GNG7: variants seen among roughly 807,000 people sequenced by gnomAD.
The protein encoded by GNG7 is guanine nucleotide-binding protein G(I)/G(S)/G(O) subunit gamma-7.
Under a neutral mutation model 4.0 loss-of-function variants are expected in GNG7, and 1 was observed. The observed-to-expected ratio is 0.25, with a 90% CI of 0.09 to 1.18. GNG7 has a LOEUF of 1.18. Among genes scored for constraint, GNG7 ranks in the 50% most tolerant of loss-of-function variants. GNG7 has a pLI of 0.50. For missense variants in GNG7, 86 were observed against 91.9 expected (o/e 0.94, Z 0.26); for synonymous variants, 34 against 36.9 (o/e 0.92, Z 0.29).
intron 1 of GNG7, among the ~76,000 whole-genome samples, chr19:2,698,088 G>A (rs1021855994): frequency 1.3e-5 from 2 of 151,160 alleles, no homozygotes; most frequent in African/African-American, 4.9e-5. Context: ...CTAACATGGT[G>A]AAACTCCGTC....
intron 3 of GNG7, among the ~76,000 whole-genome samples, chr19:2,542,030 G>A (rs569473501): frequency 4.6e-5 from 7 of 151,910 alleles, no homozygotes; most frequent in South Asian, 2.1e-4. Context: ...GCTGCAGGGC[G>A]GCCCTTCCAA....
At chr19:2,586,131 A>C (rs1483178994) in intron 2 of GNG7, among the ~76,000 whole-genome samples, 1 of 151,976 alleles carries the variant, frequency 6.6e-6, no homozygotes, top group Non-Finnish European at 1.5e-5. Flanking sequence ...GAAAAACGGA[A>C]CTCTCACCCC....
intron 2 of GNG7, among the ~76,000 whole-genome samples, chr19:2,561,036 T>C: frequency 6.6e-6 from 1 of 151,770 alleles, no homozygotes; most frequent in Admixed American, 6.6e-5. Context: ...AAGCTCCCGA[T>C]GGGGCAGACG....
At chr19:2,601,813 G>A (rs2965208) in intron 2 of GNG7, among the ~76,000 whole-genome samples, 84,324 of 151,632 alleles carry the variant, frequency 0.56, 26,117 homozygotes, top group Non-Finnish European at 0.71. Context: ...AGGTTGAAGC[G>A]GGAGGCTCAC....
chr19:2,676,100 AG>A (rs1211569869), intron 1 of GNG7, among the ~76,000 whole-genome samples: 1 of 152,132 alleles, frequency 6.6e-6, no homozygotes, highest in Admixed American at 6.6e-5. Context: ...TCACCAGCCC[AG>A]GGGCGCCAAG....
At chr19:2,630,610 A>G (rs1982135116) in intron 2 of GNG7, 1 of 151,966 alleles carries the variant, frequency 6.6e-6, no homozygotes, top group Non-Finnish European at 1.5e-5. Context: ...ACAGTCTATC[A>G]ACCACAAAGA....
intron 3 of GNG7, among the ~76,000 whole-genome samples, chr19:2,539,913 C>G (rs1193026707): frequency 6.9e-6 from 1 of 144,102 alleles, no homozygotes; most frequent in Non-Finnish European, 1.5e-5. Flanking sequence ...CCCTCCCTCC[C>G]TCTTTCTCTT....
intron 1 of GNG7, among the ~76,000 whole-genome samples, chr19:2,677,356 G>C (rs1401923213): frequency 6.6e-6 from 1 of 151,782 alleles, no homozygotes; most frequent in Non-Finnish European, 1.5e-5. Context: ...GGGCATTTGT[G>C]ACTGTTATGA....
At chr19:2,685,211 G>C (rs990923108) in intron 1 of GNG7, among the ~76,000 whole-genome samples, 1 of 152,108 alleles carries the variant, frequency 6.6e-6, no homozygotes, top group Non-Finnish European at 1.5e-5. Context: ...TGCTTCATGA[G>C]GACACAGTTT....
chr19:2,694,332 G>A (rs978329773), intron 1 of GNG7, among the ~76,000 whole-genome samples: 1 of 152,036 alleles, frequency 6.6e-6, no homozygotes, highest in African/African-American at 2.4e-5. Flanking sequence ...ACCATAGCCT[G>A]GTATAGAGCA....
chr19:2,618,654 T>A lies in GNG7; in HGVS notation c.-78+27570A>T, dbSNP rs1981787009. On this transcript the variant is annotated intron_variant, in intron 2 of 4. Transcript: ENST00000382159. The surrounding 1 kb of genome is among the most constrained non-coding windows in gnomAD (Gnocchi z 5.1). ...GTGAGCCACCGTGCCCAGCCTGTTC[T>A]ATTTTTTTTTTAATAAACAATTTTA... is the stretch of plus-strand genomic sequence containing the variant. 1.3e-5 allele frequency among the ~76,000 whole-genome samples: 2 copies of A among 151,884 alleles called. No homozygotes were observed. The highest frequency in any genetic ancestry group is 4.8e-5 in the African/African-American group (2 of 41,270).
chr19:2,690,412 G>A (rs1913111334), intron 1 of GNG7, among the ~76,000 whole-genome samples: 1 of 152,042 alleles, frequency 6.6e-6, no homozygotes, highest in East Asian at 1.9e-4. Context: ...ATAAAAATGG[G>A]ATAATCATTC....
chr19:2,654,782 C>G (rs779056144), intron 1 of GNG7, among the ~76,000 whole-genome samples: 2 of 150,768 alleles, frequency 1.3e-5, no homozygotes, highest in African/African-American at 4.9e-5. Context: ...GGGTCTCCCC[C>G]CTCTGCACTG....
At chr19:2,548,780 T>G (rs1979216705) in intron 3 of GNG7, among the ~76,000 whole-genome samples, 2 of 150,728 alleles carry the variant, frequency 1.3e-5, no homozygotes, top group South Asian at 4.2e-4. Flanking sequence ...AGAGCGAGAC[T>G]CTGTCTCAAA....
intron 2 of GNG7, among the ~76,000 whole-genome samples, chr19:2,591,845 C>A (rs1980859139): frequency 6.6e-6 from 1 of 152,126 alleles, no homozygotes; most frequent in Non-Finnish European, 1.5e-5. Flanking sequence ...TGACTGATCT[C>A]ACTGATGGCC....
At chr19:2,600,326 G>C (rs1204388278) in intron 2 of GNG7, among the ~76,000 whole-genome samples, 1 of 151,274 alleles carries the variant, frequency 6.6e-6, no homozygotes, top group Non-Finnish European at 1.5e-5. Flanking sequence ...TTTCTTTCAT[G>C]TCTGGCTTAA....
chr19:2,537,526 C>A lies in GNG7; in HGVS notation c.-37-16801G>T, dbSNP rs1319279402. Among the ~76,000 whole-genome samples the A allele has an allele frequency of 2.6e-5, 4 of 152,208 alleles. No individual in the cohort carries two copies. The South Asian group carries it at 6.2e-4, about 24-fold the overall frequency. ...CTGGGGCTGCAAGCGTGAGCCATGG[C>A]ACCTGGCTATAATAAAATAAATCTG... On this transcript the variant is annotated intron_variant, in intron 3 of 4. Coordinates refer to ENST00000382159, the MANE Select transcript of GNG7 (RefSeq NM_052847.3).
At chr19:2,548,632 T>C (rs1979209236) in intron 3 of GNG7, among the ~76,000 whole-genome samples, 1 of 147,854 alleles carries the variant, frequency 6.8e-6, no homozygotes, top group African/African-American at 2.5e-5. Context: ...CTACTAAAAA[T>C]ACAAAAATTA....
At position 2,512,156 on chromosome 19, in the gene GNG7, A is replaced by G. The variant is rs1468828211; in HGVS notation, c.*2866T>C. 49 of 985,710 alleles carry G rather than the reference A, an allele frequency of 5.0e-5. No homozygotes were observed. The highest frequency in any genetic ancestry group is 5.9e-5 in the Non-Finnish European group (49 of 829,986). The allele number at this position is 985,710 out of a possible 1,614,324, so 61.1% of individuals were successfully genotyped here. ...TAGCTGAGAGAGGCTTGTCCCCCCA[A>G]GGCTAGAGCTGCTGCTGCCACCCCC... On this transcript the variant is annotated 3_prime_UTR_variant, in exon 5 of 5. Transcript: ENST00000382159. This position sits in a 1 kb window ranked among gnomAD's most constrained non-coding sequence, Gnocchi z 4.7.
Sources: allele counts gnomAD v4.1 joint callset (sites outside exome capture counted in the v4.1 genomes callset), GRCh38; gene constraint gnomAD v4.1.1; non-coding constraint Gnocchi (gnomAD v3.1); transcripts MANE v1.5; gene names NCBI Gene and HGNC (gene_info 2026-07-23, HGNC 2026-07-21).